The following SLC24A4 variants were observed in gnomAD, a reference collection of about 807,000 sequenced individuals.
SLC24A4 encodes the protein solute carrier family 24 member 4.
In SLC24A4, 53 loss-of-function variants were observed where a neutral mutation model predicts 79.0. The ratio of observed to expected loss-of-function variants is 0.67; its 90% CI spans 0.54 to 0.84. The LOEUF (loss-of-function observed/expected upper bound fraction) is 0.84, where lower values mean the gene tolerates loss of function less well. Ranked by LOEUF, SLC24A4 falls within the 40% of genes least tolerant of loss-of-function variation. The pLI, the probability that SLC24A4 is intolerant of heterozygous loss-of-function variation, is 0.00. For synonymous variants in SLC24A4, 323 were observed against 323.8 expected (o/e 1.00, Z 0.03); for missense variants, 731 against 822.0 (o/e 0.89, Z 1.35).
Position 92,497,998 on chromosome 14 carries a change from C to T in SLC24A4, c.*4370C>T, listed in dbSNP as rs1304052466. ...GTGATTTCCATGGGAACCATCCTCC[C>T]CTGGGGGCAGTTAGCAGGAGTACGT... On this transcript the variant is annotated 3_prime_UTR_variant, in exon 17 of 17. Coordinates refer to ENST00000532405, the MANE Select transcript of SLC24A4 (RefSeq NM_153646.4). 4.6e-5 allele frequency: 7 copies of T among 152,204 alleles called. No individual in the cohort carries two copies. Among genetic ancestry groups the T allele is most frequent in the African/African-American group, 1.7e-4 (7 of 41,438 alleles). The allele number at this position is 152,204 out of a possible 1,614,324, so 9.4% of individuals were successfully genotyped here. A position where few individuals can be genotyped will look rare whatever the true frequency, so the allele number is the denominator to read the frequency against.
intron 2 of SLC24A4, among the ~76,000 whole-genome samples, chr14:92,356,669 C>G (rs893109572): frequency 6.6e-6 from 1 of 152,208 alleles, no homozygotes; most frequent in Non-Finnish European, 1.5e-5. Flanking sequence ...GAACAGAGCA[C>G]GTGCTCGATA....
intron 2 of SLC24A4, among the ~76,000 whole-genome samples, chr14:92,424,833 G>C (rs1891481526): frequency 6.6e-6 from 1 of 152,170 alleles, no homozygotes; most frequent in Admixed American, 6.5e-5. Context: ...AGAGAACTAT[G>C]ATTATGTCAC....
At chr14:92,333,729 A>G (rs1566691614) in intron 2 of SLC24A4, among the ~76,000 whole-genome samples, 1 of 151,924 alleles carries the variant, frequency 6.6e-6, no homozygotes, top group African/African-American at 2.4e-5. Context: ...CAAGCGCTAG[A>G]TGGAGAATCT....
chr14:92,339,248 T>C (rs1226592081), intron 2 of SLC24A4, among the ~76,000 whole-genome samples: 5 of 152,140 alleles, frequency 3.3e-5, no homozygotes, highest in African/African-American at 1.2e-4. Context: ...TACACAGGGC[T>C]GCGATCCTGG....
intron 2 of SLC24A4, among the ~76,000 whole-genome samples, chr14:92,363,539 G>T (rs1262444312): frequency 6.6e-6 from 1 of 152,222 alleles, no homozygotes; most frequent in Non-Finnish European, 1.5e-5. Context: ...GAAAGGTCTT[G>T]CTTTCCACGT....
At chr14:92,427,483 G>T (rs1277928900) in intron 2 of SLC24A4, among the ~76,000 whole-genome samples, 3 of 152,262 alleles carry the variant, frequency 2.0e-5, no homozygotes, top group African/African-American at 7.2e-5. Context: ...AGCTTGTCTG[G>T]CTGCCCTGTG....
intron 12 of SLC24A4, chr14:92,462,507 C>T (rs2139867380): frequency 6.6e-6 from 1 of 152,398 alleles, no homozygotes; most frequent in South Asian, 2.1e-4. Flanking sequence ...AAGAGATTCT[C>T]CTGCCTCAGC....
At chr14:92,484,399 C>T (rs1193688547) in intron 13 of SLC24A4, 2 of 985,180 alleles carry the variant, frequency 2.0e-6, no homozygotes, top group Non-Finnish European at 2.4e-6. Flanking sequence ...GAAGGTGCTG[C>T]CCCCAGCCTG....
intron 2 of SLC24A4, among the ~76,000 whole-genome samples, chr14:92,403,890 G>T (rs1486435150): frequency 2.5e-5 from 3 of 122,346 alleles, no homozygotes; most frequent in African/African-American, 9.7e-5. Flanking sequence ...CATCTCTTCA[G>T]CCCAGTCACT....
chr14:92,388,734 G>T (rs1043531193), intron 2 of SLC24A4, among the ~76,000 whole-genome samples: 1 of 152,190 alleles, frequency 6.6e-6, no homozygotes, highest in Non-Finnish European at 1.5e-5. Context: ...ACCAGTTCTA[G>T]GTCATGACCG....
At chr14:92,364,813 A>T (rs937311250) in intron 2 of SLC24A4, among the ~76,000 whole-genome samples, 1 of 152,174 alleles carries the variant, frequency 6.6e-6, no homozygotes, top group Non-Finnish European at 1.5e-5. Flanking sequence ...CTCCTGCTCC[A>T]TCATAGCCAA....
chr14:92,418,649 A>C (rs896638400), intron 2 of SLC24A4, among the ~76,000 whole-genome samples: 5 of 152,174 alleles, frequency 3.3e-5, no homozygotes, highest in Non-Finnish European at 7.4e-5. Context: ...CTTCTTCCCC[A>C]AGAAACCTCA....
intron 2 of SLC24A4, among the ~76,000 whole-genome samples, chr14:92,393,615 C>T (rs1225326509): frequency 6.8e-6 from 1 of 147,374 alleles, no homozygotes; most frequent in African/African-American, 2.5e-5. Flanking sequence ...GTGATCACAG[C>T]TCACTGCAGC....
intron 2 of SLC24A4, among the ~76,000 whole-genome samples, chr14:92,360,504 T>G (rs970743088): frequency 2.0e-5 from 3 of 152,222 alleles, no homozygotes; most frequent in Admixed American, 6.5e-5. Flanking sequence ...ACTGTACTAT[T>G]TATCCATTTG....
intron 12 of SLC24A4, among the ~76,000 whole-genome samples, chr14:92,461,026 C>T (rs1405881965): frequency 6.6e-6 from 1 of 152,172 alleles, no homozygotes; most frequent in African/African-American, 2.4e-5. Flanking sequence ...GCGCTTTCGC[C>T]CGTGGAAACC....
At chr14:92,366,455 G>A (rs1887845434) in intron 2 of SLC24A4, among the ~76,000 whole-genome samples, 1 of 152,230 alleles carries the variant, frequency 6.6e-6, no homozygotes, top group Admixed American at 6.5e-5. Flanking sequence ...GCAGGTGGCT[G>A]ACTGGTTGTT....
At chr14:92,408,268 G>A in intron 2 of SLC24A4, 1 of 410,620 alleles carries the variant, frequency 2.4e-6, no homozygotes, top group Non-Finnish European at 3.3e-6. Flanking sequence ...AATTGACCTG[G>A]AATTTGAATC....
chr14:92,389,164 C>T (rs1467022473), intron 2 of SLC24A4, among the ~76,000 whole-genome samples: 1 of 152,136 alleles, frequency 6.6e-6, no homozygotes, highest in Non-Finnish European at 1.5e-5. Context: ...TCAATGTGTG[C>T]TGTGTCTATT....
At position 92,490,127 on chromosome 14, in the gene SLC24A4, T is replaced by G. The variant is rs1174316158; in HGVS notation, c.1538-1538T>G. ...GGGCGGGCTGGCAGTCGAACAGAGA[T>G]GGGCCACCTGTGTGGGTGCCGATCT... On this transcript the variant is annotated intron_variant, in intron 14 of 16. Transcript: ENST00000532405. The surrounding 1 kb of genome is among the most constrained non-coding windows in gnomAD (Gnocchi z 4.3). Among the ~76,000 whole-genome samples the G allele has an allele frequency of 1.3e-5, 2 of 152,150 alleles. No homozygotes were observed. Among genetic ancestry groups the G allele is most frequent in the Non-Finnish European group, 2.9e-5 (2 of 68,018 alleles).
Sources: allele counts gnomAD v4.1 joint callset (sites outside exome capture counted in the v4.1 genomes callset), GRCh38; gene constraint gnomAD v4.1.1; non-coding constraint Gnocchi (gnomAD v3.1); transcripts MANE v1.5; gene names NCBI Gene and HGNC (gene_info 2026-07-23, HGNC 2026-07-21).